Variants in ZNHIT3 observed in about 807,000 individuals in gnomAD.
ZNHIT3 encodes zinc finger HIT-type containing 3, also known as zinc finger HIT domain-containing protein 3.
Under a neutral mutation model 19.9 loss-of-function variants are expected in ZNHIT3, and 27 were observed. That is an observed-to-expected ratio of 1.36 (90% confidence interval 1.00 to 1.87). The LOEUF is 1.87. ZNHIT3 is among the 40% of genes most tolerant of loss of function. The pLI, the probability that ZNHIT3 is intolerant of heterozygous loss-of-function variation, is 0.00. For missense variants in ZNHIT3, 215 were observed against 185.6 expected, an observed-to-expected ratio of 1.16 and a Z score of -0.92; for synonymous variants, 81 against 65.7, an observed-to-expected ratio of 1.23 and a Z score of -1.13.
chr17:36,493,781 A>G, intron 3 of ZNHIT3, 145 bp from the exon 4 acceptor site: 1 of 627,562 alleles, frequency 1.6e-6, no homozygotes, highest in Non-Finnish European at 2.9e-6. Context: ...TCCGGAGAAG[A>G]GGATTTTTGT....
intron 2 of ZNHIT3, 75 bp downstream of exon 2, chr17:36,487,041 C>A: frequency 6.3e-7 from 1 of 1,574,982 alleles, no homozygotes; most frequent in Non-Finnish European, 8.6e-7. Flanking sequence ...GTCTTGGGGG[C>A]GTGGACCCTT....
chr17:36,493,091 G>GT (rs1193554680), intron 3 of ZNHIT3, 192 bp downstream of exon 3: 2 of 611,676 alleles, frequency 3.3e-6, no homozygotes, highest in Non-Finnish European at 5.8e-6. Context: ...CCTGAAAGCA[G>GT]TATTCAGGAG....
Position 36,486,938 on chromosome 17 carries a change from C to T in ZNHIT3, c.90C>T (p.Cys30=), listed in dbSNP as rs963658889. The T allele has an allele frequency of 2.5e-6, 4 of 1,611,404 alleles. No individual in the cohort carries two copies. In the African/African-American group the frequency reaches 4.0e-5, roughly 16 times the overall value. The change falls in exon 2 of 5, where the codon TGC becomes TGT. Residue 30 remains cysteine, a synonymous_variant. Transcript: ENST00000617429. ...CCTGTGGCCTCTGTTGTTACAGCTGCTCGGTAGTCTGCTTCCGGAAGCACA... is the reference window on the plus strand; with the variant it reads ...CCTGTGGCCTCTGTTGTTACAGCTGTTCGGTAGTCTGCTTCCGGAAGCACA... ...YRCPACRVPY[C]SVVCFRKHKE...
chr17:36,498,277 C>T (rs139565052), downstream of ZNHIT3: 2,993 of 1,611,756 alleles, frequency 1.9e-3, 2 homozygotes, highest in Non-Finnish European at 2.4e-3. Flanking sequence ...TGAGGCAGCG[C>T]TCGGATGGAC....
At chr17:36,496,200 T>C (rs2070949772), downstream of ZNHIT3, 4 of 1,605,102 alleles carry the variant, frequency 2.5e-6, no homozygotes, top group Admixed American at 6.7e-5. Context: ...TAAATGTCTT[T>C]GGCAAGGCAG....
intron 2 of ZNHIT3, chr17:36,491,539 T>A (rs2070726587): frequency 6.6e-6 from 1 of 152,248 alleles, no homozygotes; most frequent in Non-Finnish European, 1.5e-5. Flanking sequence ...ACTCCTGGGC[T>A]TAAGCAGTCC....
chr17:36,487,033 C>G lies in ZNHIT3; in HGVS notation c.118+67C>G, dbSNP rs1323093413. 3.1e-6 allele frequency: 5 copies of G among 1,589,448 alleles called. No individual in the cohort carries two copies. The African/African-American group carries it at 6.8e-5, about 22-fold the overall frequency. On this transcript the variant is annotated intron_variant, in intron 2 of 4. Coordinates refer to ENST00000617429, the MANE Select transcript of ZNHIT3 (RefSeq NM_004773.4). Reference sequence around the variant, plus strand: ...GGCAGCCCCCACGTCCAGCCTCCGTCTTGGGGGCGTGGACCCTTGGGCTGC... The same window carrying G: ...GGCAGCCCCCACGTCCAGCCTCCGTGTTGGGGGCGTGGACCCTTGGGCTGC...
chr17:36,487,216 C>T (rs2070588048), intron 2 of ZNHIT3, among the ~76,000 whole-genome samples: 1 of 152,150 alleles, frequency 6.6e-6, no homozygotes, highest in African/African-American at 2.4e-5. Context: ...TACCCCGCTT[C>T]TCCTTCTGCG....
At chr17:36,492,925 C>T in intron 3 of ZNHIT3, 26 bp downstream of exon 3, 1 of 1,599,730 alleles carries the variant, frequency 6.3e-7, no homozygotes, top group Non-Finnish European at 8.6e-7. Context: ...TCAAACAAAT[C>T]TACAAGGGAC....
At chr17:36,488,800 C>G (rs750121350) in intron 2 of ZNHIT3, among the ~76,000 whole-genome samples, 19 of 152,150 alleles carry the variant, frequency 1.2e-4, no homozygotes, top group Non-Finnish European at 2.6e-4. Flanking sequence ...ATATTCGCCC[C>G]AAATAATCAT....
At chr17:36,494,107 T>C (rs1041200620) in intron 4 of ZNHIT3, 101 bp downstream of exon 4, 4 of 845,772 alleles carry the variant, frequency 4.7e-6, no homozygotes, top group Admixed American at 2.1e-5. Flanking sequence ...AAGTATGGCA[T>C]GTAGGGCTCT....
At chr17:36,495,866 G>C, downstream of ZNHIT3, 1 of 1,239,512 alleles carries the variant, frequency 8.1e-7, no homozygotes, top group African/African-American at 1.5e-5. Flanking sequence ...ATTTTTCCCA[G>C]CCCAAATTCC....
chr17:36,497,911 C>T (rs1216426376), downstream of ZNHIT3: 1 of 252,268 alleles, frequency 4.0e-6, no homozygotes, highest in African/African-American at 2.2e-5. Context: ...TCACCTCCTG[C>T]TCCTGACTCA....
Position 36,493,005 on chromosome 17 carries a change from T to C in ZNHIT3, c.205+106T>C, listed in dbSNP as rs931724507. On this transcript the variant is annotated intron_variant, in intron 3 of 4. Coordinates refer to ENST00000617429, the MANE Select transcript of ZNHIT3 (RefSeq NM_004773.4). ...CAGGGAATCCAGAACAATAGCTTCA[T>C]TGGGAAGGAACAGCTTCCTTAGCCT... is the stretch of plus-strand genomic sequence containing the variant. 184 of 1,056,882 alleles carry C rather than the reference T, an allele frequency of 1.7e-4. No homozygotes were observed. The African/African-American group carries it at 2.3e-3, about 13-fold the overall frequency. 65.5% of individuals were successfully genotyped at this position (1,056,882 alleles called of 1,614,324 possible).
chr17:36,497,541 G>C (rs1316181965), downstream of ZNHIT3: 1 of 984,276 alleles, frequency 1.0e-6, no homozygotes, highest in Non-Finnish European at 1.2e-6. Flanking sequence ...TATGTCTCGT[G>C]AATTTTTCCT....
chr17:36,493,763 TCA>T (rs1397896328), intron 3 of ZNHIT3, among the ~76,000 whole-genome samples, 161 bp from the exon 4 acceptor site: 1 of 152,224 alleles, frequency 6.6e-6, no homozygotes, highest in Non-Finnish European at 1.5e-5. Context: ...GTTAGTATAG[TCA>T]CAGACTCCGG....
intron 2 of ZNHIT3, among the ~76,000 whole-genome samples, chr17:36,488,690 ATT>A (rs2070649999): frequency 6.6e-6 from 1 of 152,132 alleles, no homozygotes; most frequent in South Asian, 2.1e-4. Flanking sequence ...TCTTTTTAAT[ATT>A]TGTTTTTAAT....
At chr17:36,495,860 T>C (rs893975729), downstream of ZNHIT3, 2 of 1,240,342 alleles carry the variant, frequency 1.6e-6, no homozygotes, top group African/African-American at 3.1e-5. Flanking sequence ...CACAAGATTT[T>C]TCCCAGCCCA....
downstream of ZNHIT3, among the ~76,000 whole-genome samples, chr17:36,496,808 A>G (rs1050875208): frequency 5.3e-5 from 8 of 152,164 alleles, no homozygotes; most frequent in African/African-American, 1.9e-4. Flanking sequence ...TAGGTTGAGT[A>G]TTAGCCCATT....
Sources: allele counts gnomAD v4.1 joint callset (sites outside exome capture counted in the v4.1 genomes callset), GRCh38; gene constraint gnomAD v4.1.1; transcripts MANE v1.5; gene names NCBI Gene and HGNC (gene_info 2026-07-23, HGNC 2026-07-21).